Variants in PDE3B observed in about 807,000 individuals in gnomAD.
The protein encoded by PDE3B is phosphodiesterase 3B.
A neutral mutation model predicts 116.8 loss-of-function variants in PDE3B; 66 were observed. The ratio of observed to expected loss-of-function variants is 0.56; its 90% confidence interval spans 0.46 to 0.69. The LOEUF (loss-of-function observed/expected upper bound fraction) is 0.69, where lower values mean the gene tolerates loss of function less well. Ranked by LOEUF, PDE3B falls within the 30% of genes least tolerant of loss-of-function variation. The pLI is 0.00. For missense variants in PDE3B, 1,384 were observed against 1,368.1 expected (o/e 1.01, Z -0.18); for synonymous variants, 595 against 533.6 (o/e 1.12, Z -1.59).
intron 11 of PDE3B, among the ~76,000 whole-genome samples, chr11:14,841,955 AT>A (rs764765291): frequency 2.0e-5 from 3 of 148,610 alleles, no homozygotes; most frequent in Admixed American, 6.7e-5. Context: ...TGCCATATGA[AT>A]TTTTTTTTCT....
At chr11:14,728,203 A>C (rs1590096053) in intron 1 of PDE3B, among the ~76,000 whole-genome samples, 1 of 152,118 alleles carries the variant, frequency 6.6e-6, no homozygotes, top group African/African-American at 2.4e-5. Flanking sequence ...CTTTCATTTC[A>C]GGTGGTTGGC....
At chr11:14,737,172 C>A (rs1208969932) in intron 1 of PDE3B, among the ~76,000 whole-genome samples, 1 of 150,714 alleles carries the variant, frequency 6.6e-6, no homozygotes, top group Non-Finnish European at 1.5e-5. Flanking sequence ...AGATAAATAG[C>A]TAGAGAGAGA....
intron 1 of PDE3B, among the ~76,000 whole-genome samples, chr11:14,677,387 T>G: frequency 6.6e-6 from 1 of 152,232 alleles, no homozygotes; most frequent in East Asian, 1.9e-4. Context: ...CTGTTATCTT[T>G]AACTTTCTAG....
At chr11:14,748,593 T>TATTTAA (rs1189216360) in intron 1 of PDE3B, among the ~76,000 whole-genome samples, 2 of 152,214 alleles carry the variant, frequency 1.3e-5, no homozygotes, top group Admixed American at 1.3e-4. Context: ...CTTATACAAT[T>TATTTAA]ATTTAAATTC....
intron 1 of PDE3B, among the ~76,000 whole-genome samples, chr11:14,745,804 G>T (rs1856896013): frequency 6.6e-6 from 1 of 152,092 alleles, no homozygotes; most frequent in African/African-American, 2.4e-5. Context: ...AAAAGGAAAA[G>T]AATTAATGTA....
At chr11:14,722,012 G>C (rs1856120475) in intron 1 of PDE3B, among the ~76,000 whole-genome samples, 1 of 151,028 alleles carries the variant, frequency 6.6e-6, no homozygotes, top group Non-Finnish European at 1.5e-5. Flanking sequence ...GTCCTTTGTA[G>C]GGACATGGAT....
chr11:14,716,058 TGTGCGCACC>T (rs1240191503), intron 1 of PDE3B, among the ~76,000 whole-genome samples: 14 of 152,014 alleles, frequency 9.2e-5, no homozygotes, highest in Admixed American at 7.9e-4. Context: ...GGCCAGTGGG[TGTGCGCACC>T]GTGCGCGAGC....
At chr11:14,743,719 C>A (rs1349455174) in intron 1 of PDE3B, among the ~76,000 whole-genome samples, 1 of 152,200 alleles carries the variant, frequency 6.6e-6, no homozygotes. Context: ...TCCTGGTCTG[C>A]AGGTTGCAAA....
chr11:14,731,197 T>C lies in PDE3B; in HGVS notation c.979-40740T>C, dbSNP rs541775912. ...ATTTTGTTCATATTCTAAATAACTA[T>C]TTGTTATACCCTTCCACCATCATTT... On this transcript the variant is annotated intron_variant, in intron 1 of 15. Transcript: ENST00000282096. Among the ~76,000 whole-genome samples the C allele has an allele frequency of 3.3e-5, 5 of 152,264 alleles. No homozygotes were observed. In the South Asian group the frequency reaches 1.0e-3, roughly 31 times the overall value.
chr11:14,807,110 G>T (rs189703579), intron 5 of PDE3B, among the ~76,000 whole-genome samples: 2 of 152,136 alleles, frequency 1.3e-5, no homozygotes, highest in African/African-American at 4.8e-5. Flanking sequence ...CCAATCTGAG[G>T]CTGGGGGGCT....
At chr11:14,748,016 A>G (rs1011610099) in intron 1 of PDE3B, among the ~76,000 whole-genome samples, 1 of 152,242 alleles carries the variant, frequency 6.6e-6, no homozygotes, top group African/African-American at 2.4e-5. Flanking sequence ...TTTTACCAAC[A>G]TAGTATAGCA....
chr11:14,866,284 T>C (rs10832312), intron 14 of PDE3B, among the ~76,000 whole-genome samples: 24,044 of 152,220 alleles, frequency 0.16, 2,460 homozygotes, highest in African/African-American at 0.29. Flanking sequence ...AAATGTCATC[T>C]GATATCCTCC....
rs201885497 is a variant in PDE3B, at chr11:14,804,026, C to T, written c.1498C>T (p.His500Tyr). 4.4e-6 allele frequency: 7 copies of T among 1,604,860 alleles called. No individual in the cohort carries two copies. The South Asian group carries it at 7.7e-5, about 18-fold the overall frequency. Residue 500 changes from histidine (H) to tyrosine (Y), a missense_variant, in exon 5 of 16, where the codon CAC (histidine) becomes TAC (tyrosine). Coordinates refer to ENST00000282096, the MANE Select transcript of PDE3B (RefSeq NM_000922.4). Reference protein sequence around the residue: ...KQRSSSVSLTHHVGLRRAGVL... With the variant: ...KQRSSSVSLTYHVGLRRAGVL... ...AAGGTCATCTTCTGTATCACTGACT[C>T]ACCATGTAGGTCTCAGAAGAGCTGG... is the stretch of plus-strand genomic sequence containing the variant.
At chr11:14,664,315 G>T (rs1238740898) in intron 1 of PDE3B, among the ~76,000 whole-genome samples, 1 of 151,998 alleles carries the variant, frequency 6.6e-6, no homozygotes, top group African/African-American at 2.4e-5. Flanking sequence ...GAGAAAGTAG[G>T]AAAGATCCAA....
intron 7 of PDE3B, 27 bp from the exon 8 acceptor site, chr11:14,830,671 T>C: frequency 7.6e-6 from 9 of 1,181,000 alleles, no homozygotes; most frequent in Non-Finnish European, 7.0e-6. Context: ...TTTACTCCTA[T>C]ATATTACTAT....
the PDE3B span, chr11:14,887,519 C>T: frequency 1.2e-6 from 1 of 859,464 alleles, no homozygotes; most frequent in Non-Finnish European, 1.4e-6. Context: ...TGGAAGGGTA[C>T]AAGATTAGCT....
At chr11:14,855,945 C>T (rs1847841443) in intron 12 of PDE3B, among the ~76,000 whole-genome samples, 1 of 152,092 alleles carries the variant, frequency 6.6e-6, no homozygotes, top group Non-Finnish European at 1.5e-5. Flanking sequence ...AGGGTGGTAA[C>T]TAAGATAAAG....
At chr11:14,671,481 G>A (rs779415207) in intron 1 of PDE3B, among the ~76,000 whole-genome samples, 4 of 151,970 alleles carry the variant, frequency 2.6e-5, no homozygotes, top group Non-Finnish European at 4.4e-5. Flanking sequence ...ATCACATAAG[G>A]CCTTATACAC....
At chr11:14,770,383 T>G (rs1450274689) in intron 1 of PDE3B, among the ~76,000 whole-genome samples, 1 of 151,456 alleles carries the variant, frequency 6.6e-6, no homozygotes, top group Non-Finnish European at 1.5e-5. Context: ...AGTATTGCAG[T>G]TGGGTCTAAA....
Sources: allele counts gnomAD v4.1 joint callset (sites outside exome capture counted in the v4.1 genomes callset), GRCh38; gene constraint gnomAD v4.1.1; transcripts MANE v1.5; gene names NCBI Gene and HGNC (gene_info 2026-07-23, HGNC 2026-07-21).